Variants in DNAH11 observed in about 807,000 individuals in gnomAD.
DNAH11 encodes axonemal beta dynein heavy chain 11.
DNAH11 carries 442 observed loss-of-function variants against 526.0 expected under a neutral mutation model. The observed-to-expected ratio is 0.84, with a 90% CI of 0.78 to 0.91. The LOEUF is 0.91. Ranked by LOEUF, DNAH11 falls within the 40% of genes least tolerant of loss-of-function variation. The pLI is 0.00. For missense variants in DNAH11, 6,989 were observed against 5,448.7 expected, an observed-to-expected ratio of 1.28 and a Z score of -8.90; for synonymous variants, 2,461 against 1,935.9, an observed-to-expected ratio of 1.27 and a Z score of -7.12.
intron 18 of DNAH11, among the ~76,000 whole-genome samples, chr7:21,604,843 A>G (rs529763608): frequency 4.0e-4 from 61 of 152,228 alleles, no homozygotes; most frequent in African/African-American, 1.5e-3. Context: ...GTTCCATGGA[A>G]TGGAATTGGA....
rs367811733 is a variant in DNAH11 at position 21,885,169 on chromosome 7, T to TGTAAAAAAAAAAAAA, written c.12507+759_12507+760insGTAAAAAAAAAAAAA. Among the ~76,000 whole-genome samples the TGTAAAAAAAAAAAAA allele has an allele frequency of 2.7e-4, 24 of 89,430 alleles. 5 individuals are homozygous for TGTAAAAAAAAAAAAA. Among genetic ancestry groups the TGTAAAAAAAAAAAAA allele is most frequent in the South Asian group, 4.0e-4 (1 of 2,480 alleles). The allele number at this position is 89,430 out of a possible 152,430, so 58.7% of individuals were successfully genotyped here. A position where few individuals can be genotyped will look rare whatever the true frequency, so the allele number is the denominator to read the frequency against. The stretch of plus-strand genomic sequence containing the variant: ...TATTTGGATCTTGTTCCAAATGAAC[T>TGTAAAAAAAAAAAAA]ATAAAAAAAAAAAAAAAAACACACA... On this transcript the variant is annotated intron_variant, in intron 76 of 81. Coordinates refer to ENST00000409508, the MANE Select transcript of DNAH11 (RefSeq NM_001277115.2).
intron 2 of DNAH11, among the ~76,000 whole-genome samples, chr7:21,556,977 C>T (rs1361930764): frequency 6.6e-6 from 1 of 151,832 alleles, no homozygotes; most frequent in Admixed American, 6.6e-5. Flanking sequence ...AGGAGAATCG[C>T]TTGAACCCAG....
chr7:21,567,302 C>T (rs1341047272), intron 6 of DNAH11, among the ~76,000 whole-genome samples: 1 of 151,986 alleles, frequency 6.6e-6, no homozygotes. Context: ...AATTGTATTT[C>T]CTCTTGTCAC....
intron 39 of DNAH11, 131 bp from the exon 40 acceptor site, chr7:21,707,568 C>A: frequency 8.7e-7 from 1 of 1,154,996 alleles, no homozygotes; most frequent in Non-Finnish European, 1.2e-6. Context: ...CATTTTTCCC[C>A]TTCTCGATCT....
rs1785376100 is a variant in DNAH11, at chr7:21,608,109, C to T, written c.3852+1376C>T. On this transcript the variant is annotated intron_variant, in intron 20 of 81. Coordinates refer to ENST00000409508, the MANE Select transcript of DNAH11 (RefSeq NM_001277115.2). ...TCTCTTGTGATTCTTTTGCCCGTAACTTTTAACCATAGTCAAGGAAGCCCA... is the reference window on the plus strand; with the variant it reads ...TCTCTTGTGATTCTTTTGCCCGTAATTTTTAACCATAGTCAAGGAAGCCCA... Among the ~76,000 whole-genome samples, 3 of 149,988 alleles carry T rather than the reference C, an allele frequency of 2.0e-5. No individual in the cohort carries two copies. In the South Asian group the frequency reaches 6.3e-4, roughly 32 times the overall value.
chr7:21,585,938 C>G (rs1784466860), intron 9 of DNAH11, among the ~76,000 whole-genome samples: 1 of 152,146 alleles, frequency 6.6e-6, no homozygotes, highest in African/African-American at 2.4e-5. Context: ...AAGAAAACAT[C>G]TCTACTCTTC....
intron 69 of DNAH11, 42 bp downstream of exon 69, chr7:21,862,065 A>C: frequency 6.4e-7 from 1 of 1,556,032 alleles, no homozygotes; most frequent in Non-Finnish European, 8.7e-7. Flanking sequence ...CCAGAACCAA[A>C]GGCAGATGCC....
At chr7:21,576,396 A>C (rs1029183559) in intron 8 of DNAH11, among the ~76,000 whole-genome samples, 2 of 152,188 alleles carry the variant, frequency 1.3e-5, no homozygotes, top group Non-Finnish European at 2.9e-5. Flanking sequence ...TTGGGGTTGT[A>C]GGGGAGAGGA....
chr7:21,566,440 A>C (rs920652091), intron 6 of DNAH11, among the ~76,000 whole-genome samples: 4 of 152,196 alleles, frequency 2.6e-5, no homozygotes, highest in Non-Finnish European at 4.4e-5. Context: ...TGAAGCACTA[A>C]CCACCCTGCC....
At chr7:21,554,170 ATT>A (rs746086141) in intron 2 of DNAH11, among the ~76,000 whole-genome samples, 5,494 of 110,294 alleles carry the variant, frequency 0.05, 347 homozygotes, top group African/African-American at 0.17. Flanking sequence ...GTTCTCTGGG[ATT>A]TTTTTTTTTT....
At chr7:21,872,201 C>A (rs1783529983) in intron 73 of DNAH11, among the ~76,000 whole-genome samples, 1 of 145,892 alleles carries the variant, frequency 6.9e-6, no homozygotes, top group African/African-American at 2.5e-5. Flanking sequence ...GACCCTATTT[C>A]CAAATACAGT....
intron 8 of DNAH11, among the ~76,000 whole-genome samples, chr7:21,580,935 T>A (rs774548050): frequency 2.0e-5 from 3 of 152,224 alleles, no homozygotes; most frequent in Non-Finnish European, 4.4e-5. Flanking sequence ...GTGGTGTGAT[T>A]TTAGGTGAAT....
intron 65 of DNAH11, among the ~76,000 whole-genome samples, chr7:21,826,299 G>C (rs919796726): frequency 2.4e-4 from 37 of 152,084 alleles, no homozygotes; most frequent in African/African-American, 8.4e-4. Flanking sequence ...TAAAAGAAAG[G>C]AGAGAAACTA....
intron 64 of DNAH11, 60 bp downstream of exon 64, chr7:21,816,762 T>G (rs1448267656): frequency 2.1e-6 from 3 of 1,430,008 alleles, no homozygotes; most frequent in Non-Finnish European, 2.9e-6. Flanking sequence ...GGTCTGATTT[T>G]TATAAAGGCG....
intron 20 of DNAH11, among the ~76,000 whole-genome samples, chr7:21,614,194 C>G (rs932552506): frequency 6.6e-6 from 1 of 152,102 alleles, no homozygotes; most frequent in Non-Finnish European, 1.5e-5. Flanking sequence ...ATTTAAAGTT[C>G]AAAGAAACTA....
intron 74 of DNAH11, among the ~76,000 whole-genome samples, chr7:21,875,877 C>CTTTTTTTTTTT (rs35349937): frequency 1.3e-5 from 1 of 78,938 alleles, no homozygotes; most frequent in African/African-American, 5.3e-5. Flanking sequence ...AAGAATATTT[C>CTTTTTTTTTTT]TTTTTTTTTT....
chr7:21,824,043 AT>A (rs67517625), intron 65 of DNAH11, among the ~76,000 whole-genome samples: 32,263 of 152,110 alleles, frequency 0.21, 3,676 homozygotes, highest in African/African-American at 0.25. Context: ...TTAAGGGTAA[AT>A]TTGTTAAAAT....
At position 21,702,820 on chromosome 7, in the gene DNAH11, T is replaced by C. The variant is rs1179093751; in HGVS notation, c.6273+18T>C. 1 of 1,603,702 alleles carries C rather than the reference T, an allele frequency of 6.2e-7. No homozygotes were observed. Among genetic ancestry groups the C allele is most frequent in the Non-Finnish European group, 8.5e-7 (1 of 1,172,400 alleles). On this transcript the variant is annotated intron_variant, in intron 37 of 81. Transcript: ENST00000409508. Reference sequence around the variant, plus strand: ...AAGATCAGGTACTGCAATGCTAATATGATTTTGTTGAGTGAGTAGCTGGCC... The same window carrying C: ...AAGATCAGGTACTGCAATGCTAATACGATTTTGTTGAGTGAGTAGCTGGCC...
intron 54 of DNAH11, among the ~76,000 whole-genome samples, chr7:21,763,642 C>T (rs150706365): frequency 9.3e-4 from 141 of 151,490 alleles, no homozygotes; most frequent in African/African-American, 3.2e-3. Flanking sequence ...ATCCAGCAAT[C>T]CCTCTTCTAG....
Sources: allele counts gnomAD v4.1 joint callset (sites outside exome capture counted in the v4.1 genomes callset), GRCh38; gene constraint gnomAD v4.1.1; transcripts MANE v1.5; gene names NCBI Gene and HGNC (gene_info 2026-07-23, HGNC 2026-07-21).